The following SCAPER variants were observed in gnomAD, a reference collection of about 807,000 sequenced individuals.
The protein encoded by SCAPER is S-phase cyclin A associated protein in the ER.
In SCAPER, 98 loss-of-function variants were observed where a neutral mutation model predicts 182.2. The ratio of observed to expected loss-of-function variants is 0.54; its 90% CI spans 0.46 to 0.64. The LOEUF (loss-of-function observed/expected upper bound fraction) is 0.64, where lower values mean the gene tolerates loss of function less well. Among genes scored for constraint, SCAPER ranks in the 30% least tolerant of loss-of-function variants. SCAPER has a pLI of 0.00. For synonymous variants in SCAPER, 605 were observed against 564.6 expected (o/e 1.07, Z -1.01); for missense variants, 1,432 against 1,690.0 (o/e 0.85, Z 2.68).
chr15:76,533,854 C>CA (rs1597243581), intron 23 of SCAPER, among the ~76,000 whole-genome samples: 5 of 152,108 alleles, frequency 3.3e-5, no homozygotes, highest in Non-Finnish European at 7.3e-5. Flanking sequence ...GAAAGAATAT[C>CA]ACCACAGAAA....
chr15:76,734,142 TAATG>T (rs1186344512), intron 15 of SCAPER, among the ~76,000 whole-genome samples: 6 of 152,326 alleles, frequency 3.9e-5, no homozygotes, highest in Admixed American at 3.9e-4. Context: ...CTTCAACATA[TAATG>T]AATGAGTGAC....
At chr15:76,487,974 G>GGT (rs2051827511) in intron 24 of SCAPER, among the ~76,000 whole-genome samples, 1 of 152,030 alleles carries the variant, frequency 6.6e-6, no homozygotes, top group South Asian at 2.1e-4. Context: ...ATACTACTGG[G>GGT]GTGGTCAATG....
chr15:76,876,118 G>A (rs969370106), intron 2 of SCAPER, among the ~76,000 whole-genome samples: 7 of 152,174 alleles, frequency 4.6e-5, no homozygotes, highest in African/African-American at 1.4e-4. Flanking sequence ...ACAGGAGCCC[G>A]CCAAGCCCAC....
At chr15:76,505,012 C>G in intron 23 of SCAPER, 38 bp from the exon 24 acceptor site, 2 of 1,508,960 alleles carry the variant, frequency 1.3e-6, no homozygotes, top group Non-Finnish European at 9.1e-7. Context: ...CCCAATTTCC[C>G]AGGCATTAAA....
At chr15:76,403,388 T>C (rs956384200) in intron 27 of SCAPER, among the ~76,000 whole-genome samples, 1 of 152,212 alleles carries the variant, frequency 6.6e-6, no homozygotes, top group African/African-American at 2.4e-5. Flanking sequence ...AACACAGGCA[T>C]GCTTGGCTTC....
intron 28 of SCAPER, among the ~76,000 whole-genome samples, chr15:76,377,793 C>G (rs2042670428): frequency 6.6e-6 from 1 of 152,316 alleles, no homozygotes; most frequent in South Asian, 2.1e-4. Context: ...GGTTCTCACA[C>G]AAAATAAGCA....
At chr15:76,644,070 C>T (rs1240868589) in intron 21 of SCAPER, among the ~76,000 whole-genome samples, 1 of 152,126 alleles carries the variant, frequency 6.6e-6, no homozygotes, top group Non-Finnish European at 1.5e-5. Context: ...TGAGTTCTTT[C>T]TCATGGACTA....
At chr15:76,744,827 G>T (rs1455991632) in intron 15 of SCAPER, among the ~76,000 whole-genome samples, 1 of 152,096 alleles carries the variant, frequency 6.6e-6, no homozygotes, top group African/African-American at 2.4e-5. Flanking sequence ...AAAGACATGT[G>T]CAGTCATATG....
chr15:76,563,760 C>T (rs572079474), intron 23 of SCAPER, among the ~76,000 whole-genome samples: 96 of 152,274 alleles, frequency 6.3e-4, no homozygotes, highest in Non-Finnish European at 1.1e-3. Flanking sequence ...GCAAAATTCT[C>T]AACAAAATAC....
At chr15:76,683,683 AG>A (rs2057865205) in intron 20 of SCAPER, among the ~76,000 whole-genome samples, 1 of 152,200 alleles carries the variant, frequency 6.6e-6, no homozygotes. Context: ...CACTTACAAA[AG>A]GAACCCCTAT....
At chr15:76,380,188 A>T (rs1004048132) in intron 28 of SCAPER, 2 of 152,146 alleles carry the variant, frequency 1.3e-5, no homozygotes, top group African/African-American at 4.8e-5. Flanking sequence ...TGTTATGTTC[A>T]ACCCTGAGGC....
At chr15:76,425,270 G>A (rs1311287686) in intron 26 of SCAPER, among the ~76,000 whole-genome samples, 1 of 152,066 alleles carries the variant, frequency 6.6e-6, no homozygotes, top group Admixed American at 6.5e-5. Context: ...ACGCAGATTT[G>A]GTCTTTTCAC....
In SCAPER at chr15:76,433,143, C is replaced by T. The variant is rs566048948; in HGVS notation, c.3311+935G>A. Among the ~76,000 whole-genome samples, 9 of 152,296 alleles carry T rather than the reference C, an allele frequency of 5.9e-5. No homozygotes were observed. The South Asian group carries it at 1.9e-3, about 32-fold the overall frequency. On this transcript the variant is annotated intron_variant, in intron 26 of 31. Coordinates refer to ENST00000563290, the MANE Select transcript of SCAPER (RefSeq NM_020843.4). ...ATAGGGGAATTCTCAGAAATTCCTT[C>T]AGTTGGAAAGAGTTGACATCAAGAA...
intron 24 of SCAPER, among the ~76,000 whole-genome samples, chr15:76,495,299 C>T (rs1045881353): frequency 1.3e-5 from 2 of 152,012 alleles, no homozygotes; most frequent in Non-Finnish European, 2.9e-5. Flanking sequence ...TGATGCAGAC[C>T]AGGCATGGTG....
At chr15:76,772,099 TG>T (rs750365023) in intron 9 of SCAPER, 145 bp from the exon 10 acceptor site, 51 of 650,070 alleles carry the variant, frequency 7.8e-5, no homozygotes, top group Non-Finnish European at 1.3e-4. Flanking sequence ...TCATCTTTTT[TG>T]TATGTTTCAA....
intron 2 of SCAPER, among the ~76,000 whole-genome samples, chr15:76,878,697 G>C (rs11072634): frequency 6.6e-6 from 1 of 151,974 alleles, no homozygotes; most frequent in Non-Finnish European, 1.5e-5. Flanking sequence ...GGAGGCCAAG[G>C]CAGGAGGATT....
In SCAPER at chr15:76,728,604, TC is replaced by T. The variant is rs1334022447; in HGVS notation, c.2155del (p.Glu719LysfsTer53). Reference protein sequence around the residue: ...KEKAREDAARERARDREERLA... With the variant: ...KEKAREDAARXRARDREERLA... ...ATAGCAAATGAGATACCTAGCTCTT[TC>T]CCGGGCTGCATCCTCACGGGCTTTT... On this transcript the variant is annotated frameshift_variant, in exon 17 of 32. Transcript: ENST00000563290. LOFTEE classifies it high-confidence loss of function. 1 of 1,613,630 alleles carries T rather than the reference TC, an allele frequency of 6.2e-7. No individual in the cohort carries two copies.
At chr15:76,578,269 G>C (rs2048002882) in intron 22 of SCAPER, among the ~76,000 whole-genome samples, 2 of 152,188 alleles carry the variant, frequency 1.3e-5, no homozygotes, top group Admixed American at 1.3e-4. Flanking sequence ...GCTCGGGCCA[G>C]GCAGAACTTG....
chr15:76,550,941 G>C (rs1178687019), intron 23 of SCAPER, among the ~76,000 whole-genome samples: 2 of 151,704 alleles, frequency 1.3e-5, no homozygotes, highest in Admixed American at 1.3e-4. Flanking sequence ...ATGGCCAACA[G>C]GTATATAAAA....
Sources: gnomAD v4.1 joint callset for allele counts (sites outside exome capture counted in the v4.1 genomes callset) on GRCh38, gnomAD v4.1.1 for gene constraint, MANE v1.5 for transcripts, NCBI Gene and HGNC (gene_info 2026-07-23, HGNC 2026-07-21) for gene names.